Variants in ZBTB7C observed in about 807,000 individuals in gnomAD.
ZBTB7C encodes the protein zinc finger and BTB domain-containing protein 7C.
A neutral mutation model predicts 25.7 loss-of-function variants in ZBTB7C; 8 were observed. The ratio of observed to expected loss-of-function variants is 0.31; its 90% CI spans 0.18 to 0.56. ZBTB7C has a LOEUF of 0.56. Ranked by LOEUF, ZBTB7C falls within the 20% of genes least tolerant of loss-of-function variation. The pLI is 0.91. For missense variants in ZBTB7C, 824 were observed against 855.2 expected, an observed-to-expected ratio of 0.96 and a Z score of 0.46; for synonymous variants, 394 against 369.0, an observed-to-expected ratio of 1.07 and a Z score of -0.78.
chr18:48,118,004 T>C lies in ZBTB7C; in HGVS notation c.-17+67930A>G, dbSNP rs868558344. ...TCAATCTTTTCTTCTTCTTCTTCTT[T>C]TTTTTTTTTTTTTTTTACTGAGGCA... On this transcript the variant is annotated intron_variant, in intron 3 of 4. Coordinates refer to ENST00000590800, the MANE Select transcript of ZBTB7C (RefSeq NM_001318841.2). 4.1e-3 allele frequency among the ~76,000 whole-genome samples: 590 copies of C among 145,426 alleles called. 6 individuals carry two copies. Among genetic ancestry groups the C allele is most frequent in the African/African-American group, 0.014 (521 of 38,298 alleles).
intron 1 of ZBTB7C, among the ~76,000 whole-genome samples, chr18:48,348,884 T>C (rs2046800688): frequency 6.6e-6 from 1 of 152,318 alleles, no homozygotes. Context: ...GTGAGGTCAT[T>C]CCCCTGGGGA....
At chr18:48,136,242 C>T (rs1354437092) in intron 3 of ZBTB7C, among the ~76,000 whole-genome samples, 2 of 152,304 alleles carry the variant, frequency 1.3e-5, no homozygotes, top group East Asian at 3.9e-4. Flanking sequence ...CGGGGTCAGT[C>T]CTTTTGCGCC....
intron 3 of ZBTB7C, among the ~76,000 whole-genome samples, chr18:48,128,130 G>A (rs2039866024): frequency 6.6e-6 from 1 of 152,210 alleles, no homozygotes; most frequent in African/African-American, 2.4e-5. Flanking sequence ...CAGCCTCTGG[G>A]CTGTCCAGTT....
chr18:48,202,051 C>T (rs576921189), intron 2 of ZBTB7C, among the ~76,000 whole-genome samples: 261 of 152,348 alleles, frequency 1.7e-3, no homozygotes, highest in African/African-American at 5.0e-3. Flanking sequence ...AAAAGCCACA[C>T]GTGCAGGTCA....
intron 1 of ZBTB7C, among the ~76,000 whole-genome samples, chr18:48,387,283 A>C (rs1378372367): frequency 6.6e-6 from 1 of 152,184 alleles, no homozygotes; most frequent in Non-Finnish European, 1.5e-5. Context: ...AGAAAGGTAA[A>C]GTGTGCCGAA....
intron 3 of ZBTB7C, among the ~76,000 whole-genome samples, chr18:48,087,090 ATAGT>A (rs1401498184): frequency 4.6e-5 from 7 of 152,320 alleles, no homozygotes; most frequent in Admixed American, 3.3e-4. Context: ...GATTGTGCAC[ATAGT>A]TAGTAGGAGA....
intron 2 of ZBTB7C, among the ~76,000 whole-genome samples, chr18:48,254,151 C>G (rs2043952267): frequency 6.6e-6 from 1 of 152,164 alleles, no homozygotes; most frequent in Non-Finnish European, 1.5e-5. Context: ...AAAAGCAGCC[C>G]CCAAACCATG....
chr18:48,313,829 A>G (rs1297261978), intron 2 of ZBTB7C, among the ~76,000 whole-genome samples: 3 of 152,134 alleles, frequency 2.0e-5, no homozygotes, highest in East Asian at 3.9e-4. Flanking sequence ...GTGATTCCCA[A>G]TGTTGGAGGT....
At chr18:48,030,067 GC>G (rs2035679208) in intron 4 of ZBTB7C, among the ~76,000 whole-genome samples, 156 bp from the exon 5 acceptor site, 1 of 152,088 alleles carries the variant, frequency 6.6e-6, no homozygotes, top group African/African-American at 2.4e-5. Flanking sequence ...CTCAACTGCT[GC>G]CCCACCTTAG....
chr18:48,188,320 T>C (rs1330088015), intron 2 of ZBTB7C, among the ~76,000 whole-genome samples: 1 of 152,172 alleles, frequency 6.6e-6, no homozygotes, highest in East Asian at 1.9e-4. Flanking sequence ...CTTAAAATCA[T>C]GGTGGAGGGG....
At chr18:48,197,211 A>T (rs1438831709) in intron 2 of ZBTB7C, among the ~76,000 whole-genome samples, 1 of 152,160 alleles carries the variant, frequency 6.6e-6, no homozygotes, top group Non-Finnish European at 1.5e-5. Flanking sequence ...AGAAAAATGG[A>T]ACTAGGGACC....
Position 48,389,129 on chromosome 18 carries a change from C to T in ZBTB7C, c.-304+20097G>A, listed in dbSNP as rs1402591198. On this transcript the variant is annotated intron_variant, in intron 1 of 4. Coordinates refer to ENST00000590800, the MANE Select transcript of ZBTB7C (RefSeq NM_001318841.2). ...CCTCGGGCTGTGAGTAGCAGGGTAA[C>T]TGCAGGCTGCAAAACCACATTCTGT... Among the ~76,000 whole-genome samples the T allele has an allele frequency of 4.6e-5, 7 of 151,188 alleles. No individual in the cohort carries two copies. In the Admixed American group the frequency reaches 4.6e-4, roughly 10 times the overall value.
At chr18:48,034,754 C>T (rs886582156) in intron 4 of ZBTB7C, among the ~76,000 whole-genome samples, 5 of 152,290 alleles carry the variant, frequency 3.3e-5, no homozygotes, top group Admixed American at 6.5e-5. Context: ...CATCTCGTTC[C>T]ATCTCTCTGC....
intron 2 of ZBTB7C, among the ~76,000 whole-genome samples, chr18:48,189,420 A>T (rs1167115313): frequency 1.3e-5 from 2 of 152,032 alleles, no homozygotes; most frequent in African/African-American, 4.8e-5. Flanking sequence ...GAAGTAAAAA[A>T]GAAAAAAAAA....
In ZBTB7C at chr18:48,052,486, C is replaced by T. The variant is rs1187054662; in HGVS notation, c.-16-11363G>A. ...GCTGTCTGCATGCCTCTTCTACCCA[C>T]GTGCCAAGGGCTCCCAGTGCTGTGG... On this transcript the variant is annotated intron_variant, in intron 3 of 4. Coordinates refer to ENST00000590800, the MANE Select transcript of ZBTB7C (RefSeq NM_001318841.2). Among the ~76,000 whole-genome samples the T allele has an allele frequency of 5.3e-5, 8 of 152,286 alleles. No individual in the cohort carries two copies. In the South Asian group the frequency reaches 1.5e-3, roughly 28 times the overall value.
chr18:48,027,050 T>A lies in ZBTB7C; in HGVS notation c.*2210A>T, dbSNP rs150930238. 8.1e-5 allele frequency: 12 copies of A among 148,356 alleles called. No individual in the cohort carries two copies. The highest frequency in any genetic ancestry group is 2.0e-4 in the African/African-American group (8 of 40,292). 9.2% of individuals were successfully genotyped at this position (148,356 alleles called of 1,614,324 possible). A position where few individuals can be genotyped will look rare whatever the true frequency, so the allele number is the denominator to read the frequency against. On this transcript the variant is annotated 3_prime_UTR_variant, in exon 5 of 5. Coordinates refer to ENST00000590800, the MANE Select transcript of ZBTB7C (RefSeq NM_001318841.2). ...GTAGAGCAATCACATAAAAAAAGAG[T>A]TATAAATAGAAAAAATTCCAAAGTT...
chr18:48,187,665 C>A (rs911867187), intron 2 of ZBTB7C, among the ~76,000 whole-genome samples: 4 of 151,808 alleles, frequency 2.6e-5, no homozygotes, highest in African/African-American at 7.3e-5. Flanking sequence ...TACACACACA[C>A]AAAACTTTAG....
At chr18:48,057,972 G>A (rs899811469) in intron 3 of ZBTB7C, among the ~76,000 whole-genome samples, 1 of 152,188 alleles carries the variant, frequency 6.6e-6, no homozygotes, top group Non-Finnish European at 1.5e-5. Context: ...TAGGCAAGCT[G>A]TGCATCACAG....
chr18:48,125,326 C>T (rs1255233074), intron 3 of ZBTB7C, among the ~76,000 whole-genome samples: 1 of 152,142 alleles, frequency 6.6e-6, no homozygotes, highest in Non-Finnish European at 1.5e-5. Context: ...GGATCTCACT[C>T]CTGAATGGAA....
Sources: gnomAD v4.1 joint callset for allele counts (sites outside exome capture counted in the v4.1 genomes callset) on GRCh38, gnomAD v4.1.1 for gene constraint, MANE v1.5 for transcripts, NCBI Gene and HGNC (gene_info 2026-07-23, HGNC 2026-07-21) for gene names.